The following TBX3 variants were observed in gnomAD, a reference collection of about 807,000 sequenced individuals.
TBX3 encodes T-box transcription factor TBX3.
A neutral mutation model predicts 47.8 loss-of-function variants in TBX3; 11 were observed. That is an observed-to-expected ratio of 0.23 (90% CI 0.14 to 0.38). The LOEUF (loss-of-function observed/expected upper bound fraction) is 0.38, where lower values mean the gene tolerates loss of function less well. Ranked by LOEUF, TBX3 falls within the 10% of genes least tolerant of loss-of-function variation. TBX3 has a pLI of 1.00. For missense variants in TBX3, 927 were observed against 1,022.8 expected, an observed-to-expected ratio of 0.91 and a Z score of 1.28; for synonymous variants, 500 against 449.3, an observed-to-expected ratio of 1.11 and a Z score of -1.43.
At chr12:114,674,019 G>A in intron 6 of TBX3, 146 bp downstream of exon 6, 4 of 1,108,402 alleles carry the variant, frequency 3.6e-6, no homozygotes, top group Non-Finnish European at 5.1e-6. Context: ...ATAACTCCAT[G>A]AGCTAAGCCT....
At chr12:114,673,168 G>A (rs956150175) in intron 6 of TBX3, among the ~76,000 whole-genome samples, 5 of 152,186 alleles carry the variant, frequency 3.3e-5, no homozygotes, top group South Asian at 2.1e-4. Flanking sequence ...AGGGTCTCCC[G>A]GAGAAGCCAG....
Position 114,676,486 on chromosome 12 carries a change from A to G in TBX3, c.882-16T>C. The G allele has an allele frequency of 1.9e-6, 3 of 1,614,154 alleles. No individual in the cohort carries two copies. The highest frequency in any genetic ancestry group is 2.5e-6 in the Non-Finnish European group (3 of 1,180,038). On this transcript the variant is annotated splice_polypyrimidine_tract_variant and intron_variant, in intron 4 of 6. Transcript: ENST00000349155. ...GAGCTGTTTTCTGTGGCAGAAGCCCACACCCAGGTTACAGAATGTAACATA... is the reference window on the plus strand; with the variant it reads ...GAGCTGTTTTCTGTGGCAGAAGCCCGCACCCAGGTTACAGAATGTAACATA...
intron 1 of TBX3, 39 bp downstream of exon 1, chr12:114,682,773 C>T (rs754928746): frequency 1.3e-5 from 21 of 1,613,946 alleles, no homozygotes; most frequent in Non-Finnish European, 1.8e-5. Flanking sequence ...GAGGAAAAAA[C>T]TCTCCAACAG....
In TBX3 at chr12:114,679,913, C is replaced by T. The variant is rs1868856151; in HGVS notation, c.658-262G>A. ...ATTCATACCTTGAACCCTAGCCTAC[C>T]TGAGTACCAAAACTATAATTCCCCT... On this transcript the variant is annotated intron_variant, in intron 2 of 6. Coordinates refer to ENST00000349155, the MANE Select transcript of TBX3 (RefSeq NM_005996.4). The T allele has an allele frequency of 6.2e-7, 1 of 1,614,008 alleles. No individual in the cohort carries two copies. Among genetic ancestry groups the T allele is most frequent in the African/African-American group, 1.3e-5 (1 of 74,902 alleles).
In TBX3 at chr12:114,672,048, G is replaced by A. The variant is rs779062347; in HGVS notation, c.1965C>T (p.Ala655=). The A allele has an allele frequency of 3.7e-5, 58 of 1,578,018 alleles. No individual in the cohort carries two copies. The highest frequency in any genetic ancestry group is 4.5e-5 in the Non-Finnish European group (52 of 1,162,582). The change falls in exon 7 of 7, where the codon GCC becomes GCT. Residue 655 remains alanine (A), a synonymous_variant. Coordinates refer to ENST00000349155, the MANE Select transcript of TBX3 (RefSeq NM_005996.4). ...AAAGPLDGKV[A]ALAASPASVA... is the part of the protein sequence containing the mutation. ...CCGAGGCCGGGCTGGCGGCCAGGGC[G>A]GCGACTTTGCCGTCCAGGGGCCCCG...
At position 114,676,307 on chromosome 12, in the gene TBX3, G is replaced by T. The variant is rs372129298; in HGVS notation, c.1039+6C>A. ...GTCCAGTGATCACAAAGGTGACATG[G>T]TTTACCTTTGAGGTTCGATGTCCCT... On this transcript the variant is annotated splice_donor_region_variant and intron_variant, in intron 5 of 6. Transcript: ENST00000349155. 5 of 1,613,556 alleles carry T rather than the reference G, an allele frequency of 3.1e-6. No individual in the cohort carries two copies. The highest frequency in any genetic ancestry group is 2.2e-5 in the East Asian group (1 of 44,878).
rs750101328 is a variant in TBX3, at chr12:114,683,154, G to T, written c.47C>A (p.Ala16Asp). 2 of 1,612,522 alleles carry T rather than the reference G, an allele frequency of 1.2e-6. No homozygotes were observed. Among genetic ancestry groups the T allele is most frequent in the South Asian group, 2.2e-5 (2 of 91,058 alleles). Residue 16 changes from alanine (A) to aspartate (D), a missense_variant, in exon 1 of 7, where the codon GCC becomes GAC. This residue lies in a region of TBX3 where 216 missense variants were observed against 281.2 expected (regional missense o/e 0.77). Coordinates refer to ENST00000349155, the MANE Select transcript of TBX3 (RefSeq NM_005996.4). This position sits in a 1 kb window ranked among gnomAD's most constrained non-coding sequence, Gnocchi z 7.7. ...RDPVIPGTSM[A>D]YHPFLPHRAP... ...CCGGTGAGGTAGGAACGGATGGTAG[G>T]CCATGCTTGTCCCAGGAATGACCGG...
intron 6 of TBX3, among the ~76,000 whole-genome samples, chr12:114,672,997 CAGG>C (rs1868519479): frequency 6.6e-6 from 1 of 152,200 alleles, no homozygotes; most frequent in Non-Finnish European, 1.5e-5. Flanking sequence ...AGGTAGGCCG[CAGG>C]AGTTCAGGAG....
At position 114,680,321 on chromosome 12, in the gene TBX3, C is replaced by T. The variant is rs142280870; in HGVS notation, c.657+558G>A. The T allele has an allele frequency of 2.0e-3, 721 of 355,218 alleles. 2 individuals are homozygous for T. The highest frequency in any genetic ancestry group is 0.014 in the African/African-American group (689 of 47,974). The allele number at this position is 355,218 out of a possible 1,614,324, so 22.0% of individuals were successfully genotyped here. A position where few individuals can be genotyped will look rare whatever the true frequency, so the allele number is the denominator to read the frequency against. ...AAGTTTCTAAGCACTGTCACTGAAT[C>T]CATATATACACTCCCAACACACAAA... On this transcript the variant is annotated intron_variant, in intron 2 of 6. Transcript: ENST00000349155.
chr12:114,676,317 G>C lies in TBX3; in HGVS notation c.1035C>G (p.Leu345=). The change falls in exon 5 of 7, where the codon CTC becomes CTG. Residue 345 remains leucine, a synonymous_variant. Transcript: ENST00000349155. ...CACAAAGGTGACATGGTTTACCTTT[G>C]AGGTTCGATGTCCCTACAGTGGAGG... ...PAASTVGTSN[L]KDLCPSEGES... is the part of the protein sequence containing the mutation. 1 of 1,613,792 alleles carries C rather than the reference G, an allele frequency of 6.2e-7. No individual in the cohort carries two copies. The highest frequency in any genetic ancestry group is 1.1e-5 in the South Asian group (1 of 91,064).
intron 2 of TBX3, chr12:114,680,639 G>A: frequency 1.6e-6 from 1 of 619,442 alleles, no homozygotes; most frequent in South Asian, 2.0e-5. Flanking sequence ...ATCTACCAAA[G>A]AGCTGGAATT....
At chr12:114,672,905 G>A (rs1868515084) in intron 6 of TBX3, among the ~76,000 whole-genome samples, 1 of 152,126 alleles carries the variant, frequency 6.6e-6, no homozygotes. Context: ...CTGGGGCTGG[G>A]GGAGGGAAAA....
chr12:114,676,876 G>A (rs1868733153), intron 4 of TBX3, among the ~76,000 whole-genome samples: 1 of 152,202 alleles, frequency 6.6e-6, no homozygotes, highest in Non-Finnish European at 1.5e-5. Context: ...AACGCTGTCT[G>A]TCCCCAGCAT....
rs1392793529 is a variant in TBX3, at chr12:114,683,117, G to A, written c.84C>T (p.Phe28=). 2 of 1,612,658 alleles carry A rather than the reference G, an allele frequency of 1.2e-6. No homozygotes were observed. Among genetic ancestry groups the A allele is most frequent in the South Asian group, 1.1e-5 (1 of 91,070 alleles). ...GGTGACCCAGCACCGCGCTCATGGCGAAGTCCGGCGCCCGGTGAGGTAGGA... is the reference window on the plus strand; with the variant it reads ...GGTGACCCAGCACCGCGCTCATGGCAAAGTCCGGCGCCCGGTGAGGTAGGA... ...HPFLPHRAPD[F]AMSAVLGHQP... Residue 28 remains phenylalanine (F), a synonymous_variant, in exon 1 of 7, where the codon TTC becomes TTT. Coordinates refer to ENST00000349155, the MANE Select transcript of TBX3 (RefSeq NM_005996.4). The surrounding 1 kb of genome is among the most constrained non-coding windows in gnomAD (Gnocchi z 7.7).
chr12:114,675,320 G>A (rs1868658709), intron 5 of TBX3, among the ~76,000 whole-genome samples: 1 of 152,140 alleles, frequency 6.6e-6, no homozygotes, highest in Non-Finnish European at 1.5e-5. Flanking sequence ...AATTACTCTG[G>A]AAGGATTTGT....
At chr12:114,680,049 C>G in intron 2 of TBX3, 1 of 1,466,338 alleles carries the variant, frequency 6.8e-7, no homozygotes, top group Non-Finnish European at 9.5e-7. Flanking sequence ...ATTGACGAGC[C>G]CAATCCACTT....
intron 5 of TBX3, 65 bp downstream of exon 5, chr12:114,676,248 C>A: frequency 1.9e-6 from 3 of 1,605,062 alleles, no homozygotes; most frequent in South Asian, 1.1e-5. Flanking sequence ...GTGCCCCATC[C>A]CCCTTCAACT....
rs2121382579 is a variant in TBX3 at position 114,674,327 on chromosome 12, G to A, written c.1548C>T (p.Ala516=). The change falls in exon 6 of 7, where the codon GCC becomes GCT. Residue 516 remains alanine (A), a synonymous_variant. Transcript: ENST00000349155. ...AMGGAFSSMA[A]AGMGPLLATV... ...TGGCCAGGAGGGGACCCATGCCAGC[G>A]GCCGCCATGCTGGAGAAGGCGCCCC... The A allele has an allele frequency of 1.9e-6, 3 of 1,568,332 alleles. No individual in the cohort carries two copies. The highest frequency in any genetic ancestry group is 1.2e-5 in the South Asian group (1 of 85,234).
In TBX3 at chr12:114,683,707, C is replaced by A. The variant is rs550481010; in HGVS notation, c.-507G>T. The A allele has an allele frequency of 1.6e-4, 37 of 231,454 alleles. No homozygotes were observed. Among genetic ancestry groups the A allele is most frequent in the Middle Eastern group, 2.6e-3 (2 of 776 alleles). The allele number at this position is 231,454 out of a possible 1,614,324, so 14.3% of individuals were successfully genotyped here. On this transcript the variant is annotated 5_prime_UTR_variant, in exon 1 of 7. Transcript: ENST00000349155. This position sits in a 1 kb window ranked among gnomAD's most constrained non-coding sequence, Gnocchi z 7.7. ...CCCGCCCCCTATCTGTCTTCCTCTC[C>A]CTCTTTCTCGCTGGTGGCGTCTGCA... is the stretch of plus-strand genomic sequence containing the variant.
Sources: gnomAD v4.1 joint callset for allele counts (sites outside exome capture counted in the v4.1 genomes callset) on GRCh38, gnomAD v4.1.1 for gene constraint, gnomAD v4.1.1 regional missense constraint, Gnocchi (gnomAD v3.1) non-coding constraint, MANE v1.5 for transcripts, NCBI Gene and HGNC (gene_info 2026-07-23, HGNC 2026-07-21) for gene names.